MAP3K13: variants seen among roughly 807,000 people sequenced by gnomAD.
The protein encoded by MAP3K13 is mitogen-activated protein kinase kinase kinase 13, also known as leucine zipper-bearing kinase.
Under a neutral mutation model 104.0 loss-of-function variants are expected in MAP3K13, and 52 were observed. The ratio of observed to expected loss-of-function variants is 0.50; its 90% CI spans 0.40 to 0.63. The LOEUF is 0.63. MAP3K13 is among the 20% of genes least tolerant of loss of function. The pLI is 0.00. For missense variants in MAP3K13, 914 were observed against 1,218.5 expected (o/e 0.75, Z 3.72); for synonymous variants, 394 against 442.2 (o/e 0.89, Z 1.37).
At chr3:185,314,573 A>T (rs1230855359) in intron 2 of MAP3K13, among the ~76,000 whole-genome samples, 1 of 151,984 alleles carries the variant, frequency 6.6e-6, no homozygotes, top group South Asian at 2.1e-4. Context: ...CCGAGATCAC[A>T]CCACTGCATT....
Position 185,473,268 on chromosome 3 carries a change from C to T in MAP3K13, c.1937C>T (p.Pro646Leu). The T allele has an allele frequency of 6.2e-7, 1 of 1,614,242 alleles. No individual in the cohort carries two copies. The highest frequency in any genetic ancestry group is 8.5e-7 in the Non-Finnish European group (1 of 1,180,034). ...CAGCAGCAATACCAGCAGCCCCCTC[C>T]TGCCATGTCCCAGAGTCACCATCCC... ...SLQQQYQQPPPAMSQSHHPRL... is the reference protein window; with the variant it reads ...SLQQQYQQPPLAMSQSHHPRL... Residue 646 changes from proline (P) to leucine (L), a missense_variant, in exon 11 of 14, where the codon CCT becomes CTT. Transcript: ENST00000265026. This position sits in a 1 kb window ranked among gnomAD's most constrained non-coding sequence, Gnocchi z 4.9.
At chr3:185,338,350 C>T (rs1202214942) in intron 2 of MAP3K13, among the ~76,000 whole-genome samples, 1 of 139,668 alleles carries the variant, frequency 7.2e-6, no homozygotes, top group Non-Finnish European at 1.6e-5. Flanking sequence ...AAAAAAAAGA[C>T]ATGAAAAACA....
chr3:185,303,295 T>C (rs1721171953), intron 2 of MAP3K13, among the ~76,000 whole-genome samples: 1 of 152,224 alleles, frequency 6.6e-6, no homozygotes. Context: ...GTAGTTTTCC[T>C]AGAGTATCAT....
chr3:185,358,648 G>A (rs1222712727), upstream of MAP3K13, among the ~76,000 whole-genome samples: 2 of 151,882 alleles, frequency 1.3e-5, no homozygotes, highest in Non-Finnish European at 2.9e-5. Flanking sequence ...AAAAATGGCA[G>A]TATTAATAAT....
At chr3:185,395,440 G>C (rs1299839016) in intron 1 of MAP3K13, among the ~76,000 whole-genome samples, 12 of 77,866 alleles carry the variant, frequency 1.5e-4, no homozygotes, top group Non-Finnish European at 1.7e-4. Flanking sequence ...CTCACTGCAA[G>C]CTCCGCCTCC....
intron 2 of MAP3K13, among the ~76,000 whole-genome samples, chr3:185,313,852 C>T (rs1721582717): frequency 6.6e-6 from 1 of 152,178 alleles, no homozygotes; most frequent in Non-Finnish European, 1.5e-5. Context: ...CTCTCACGGC[C>T]TCTGCACTCT....
intron 2 of MAP3K13, among the ~76,000 whole-genome samples, chr3:185,352,620 A>G (rs1723177447): frequency 6.6e-6 from 1 of 152,206 alleles, no homozygotes; most frequent in South Asian, 2.1e-4. Flanking sequence ...GTCTAGTGAA[A>G]TAGGCTGAGA....
At chr3:185,400,527 CA>C (rs1197167756) in intron 1 of MAP3K13, among the ~76,000 whole-genome samples, 2 of 152,176 alleles carry the variant, frequency 1.3e-5, no homozygotes, top group Non-Finnish European at 1.5e-5. Context: ...AGTCAGTGAG[CA>C]GAATAGCAAA....
At chr3:185,296,739 C>T (rs964432436) in intron 2 of MAP3K13, among the ~76,000 whole-genome samples, 2 of 152,162 alleles carry the variant, frequency 1.3e-5, no homozygotes, top group African/African-American at 4.8e-5. Flanking sequence ...TTAACCTGTA[C>T]TCACAGAGAT....
intron 2 of MAP3K13, among the ~76,000 whole-genome samples, chr3:185,321,329 C>T (rs981803869): frequency 3.3e-5 from 5 of 152,146 alleles, no homozygotes; most frequent in African/African-American, 4.8e-5. Context: ...TTGATTGAGG[C>T]TCAATGCATA....
chr3:185,340,325 C>T (rs1366720543), intron 2 of MAP3K13, among the ~76,000 whole-genome samples: 1 of 152,088 alleles, frequency 6.6e-6, no homozygotes, highest in Non-Finnish European at 1.5e-5. Flanking sequence ...AAAGAGGCGA[C>T]AGGGCACTGT....
intron 1 of MAP3K13, among the ~76,000 whole-genome samples, chr3:185,380,316 T>C (rs1445502687): frequency 6.9e-6 from 1 of 145,822 alleles, no homozygotes; most frequent in Admixed American, 6.8e-5. Flanking sequence ...ATAGAGACCA[T>C]CCTGGCCAAC....
intron 1 of MAP3K13, among the ~76,000 whole-genome samples, chr3:185,366,965 C>T (rs1432130057): frequency 6.6e-6 from 1 of 151,926 alleles, no homozygotes; most frequent in Admixed American, 6.6e-5. Flanking sequence ...CTTTTGTTGC[C>T]TATGCTTTTG....
intron 8 of MAP3K13, among the ~76,000 whole-genome samples, chr3:185,465,546 A>G (rs1162821015): frequency 6.6e-6 from 1 of 152,164 alleles, no homozygotes; most frequent in Non-Finnish European, 1.5e-5. Context: ...TGGGCTCTTT[A>G]GGATAAACCA....
intron 2 of MAP3K13, among the ~76,000 whole-genome samples, chr3:185,304,425 A>G (rs978123731): frequency 4.6e-5 from 7 of 152,140 alleles, no homozygotes; most frequent in African/African-American, 1.7e-4. Flanking sequence ...GAAATCTCCT[A>G]CTATTATTGT....
At chr3:185,358,266 C>T (rs7642802), upstream of MAP3K13, among the ~76,000 whole-genome samples, 110,253 of 152,024 alleles carry the variant, frequency 0.73, 42,344 homozygotes, top group Non-Finnish European at 0.86. Flanking sequence ...GTGGATTACA[C>T]TGTTATCATC....
At chr3:185,378,610 T>C (rs2108756209) in intron 1 of MAP3K13, among the ~76,000 whole-genome samples, 1 of 151,758 alleles carries the variant, frequency 6.6e-6, no homozygotes, top group Non-Finnish European at 1.5e-5. Context: ...AGGAGCAGCC[T>C]GGGGAGAAGG....
chr3:185,455,715 AGATATATAT>A (rs1249575269), intron 7 of MAP3K13, among the ~76,000 whole-genome samples: 26 of 12,796 alleles, frequency 2.0e-3, no homozygotes, highest in Admixed American at 2.9e-3. Flanking sequence ...GATATATATG[AGATATATAT>A]GATATATATA....
intron 2 of MAP3K13, among the ~76,000 whole-genome samples, chr3:185,354,327 G>A (rs149000660): frequency 1.9e-3 from 284 of 150,740 alleles, no homozygotes; most frequent in African/African-American, 6.5e-3. Flanking sequence ...TAACCTGTAG[G>A]CTTCAAACCG....
Sources: gnomAD v4.1 joint callset for allele counts (sites outside exome capture counted in the v4.1 genomes callset) on GRCh38, gnomAD v4.1.1 for gene constraint, Gnocchi (gnomAD v3.1) non-coding constraint, MANE v1.5 for transcripts, NCBI Gene and HGNC (gene_info 2026-07-23, HGNC 2026-07-21) for gene names.